The following ITGB5 variants were observed in gnomAD, a reference collection of about 807,000 sequenced individuals.
ITGB5 encodes the protein integrin subunit beta 5, also known as integrin beta-5.
Under a neutral mutation model 84.8 loss-of-function variants are expected in ITGB5, and 38 were observed. The observed-to-expected ratio is 0.45, with a 90% CI of 0.35 to 0.59. ITGB5 has a LOEUF of 0.59. Among genes scored for constraint, ITGB5 ranks in the 20% least tolerant of loss-of-function variants. The probability of loss-of-function intolerance (pLI) is 0.01; values close to 1 mark genes in which losing one functional copy is unlikely to be tolerated. For synonymous variants in ITGB5, 393 were observed against 414.4 expected, an observed-to-expected ratio of 0.95 and a Z score of 0.63; for missense variants, 905 against 1,034.5, an observed-to-expected ratio of 0.87 and a Z score of 1.72.
chr3:124,782,310 T>C (rs2064016998), intron 10 of ITGB5, among the ~76,000 whole-genome samples: 1 of 152,190 alleles, frequency 6.6e-6, no homozygotes, highest in Non-Finnish European at 1.5e-5. Flanking sequence ...CCATATCTGT[T>C]TGACCAGAAG....
intron 9 of ITGB5, among the ~76,000 whole-genome samples, chr3:124,802,970 G>A (rs921210172): frequency 6.6e-6 from 1 of 152,156 alleles, no homozygotes; most frequent in East Asian, 1.9e-4. Flanking sequence ...AGTTGCCTAG[G>A]ACCCCTGCTG....
At chr3:124,843,401 G>T (rs2065036147) in intron 4 of ITGB5, among the ~76,000 whole-genome samples, 1 of 152,178 alleles carries the variant, frequency 6.6e-6, no homozygotes, top group Non-Finnish European at 1.5e-5. Context: ...AGGGAGAAAA[G>T]AAACTGAATA....
intron 2 of ITGB5, among the ~76,000 whole-genome samples, chr3:124,870,878 GGT>G (rs1933989114): frequency 6.6e-6 from 1 of 152,108 alleles, no homozygotes; most frequent in African/African-American, 2.4e-5. Flanking sequence ...GAGTAGATGA[GGT>G]TAAACTGATT....
chr3:124,883,379 T>G (rs1213381087), intron 1 of ITGB5, among the ~76,000 whole-genome samples: 1 of 152,218 alleles, frequency 6.6e-6, no homozygotes, highest in Non-Finnish European at 1.5e-5. Flanking sequence ...TGCCCTCTTC[T>G]GCCTCAATCC....
At chr3:124,784,014 T>C (rs2064043841) in intron 10 of ITGB5, among the ~76,000 whole-genome samples, 1 of 152,184 alleles carries the variant, frequency 6.6e-6, no homozygotes. Flanking sequence ...CTGGACTACA[T>C]GGGGCATTCT....
chr3:124,769,151 T>C (rs747460552), intron 11 of ITGB5, 38 bp from the exon 12 acceptor site: 3 of 1,545,990 alleles, frequency 1.9e-6, no homozygotes, highest in Non-Finnish European at 2.7e-6. Flanking sequence ...TGTCAGATAA[T>C]GTAGAACAGT....
intron 14 of ITGB5, 49 bp downstream of exon 14, chr3:124,764,332 AACTCAACCAC>A: frequency 6.5e-7 from 1 of 1,549,786 alleles, no homozygotes; most frequent in South Asian, 1.2e-5. Context: ...CATACCGCTG[AACTCAACCAC>A]GCCTCTGAGC....
chr3:124,782,710 T>C (rs1026578875), intron 10 of ITGB5, among the ~76,000 whole-genome samples: 2 of 152,030 alleles, frequency 1.3e-5, no homozygotes, highest in Non-Finnish European at 2.9e-5. Context: ...ATACAAAAAT[T>C]AGCTGGGTGT....
At chr3:124,877,143 T>A (rs1399864395) in intron 1 of ITGB5, among the ~76,000 whole-genome samples, 1 of 148,834 alleles carries the variant, frequency 6.7e-6, no homozygotes, top group Non-Finnish European at 1.5e-5. Context: ...GCTAATTTTT[T>A]TTTTTTTTTT....
At chr3:124,778,196 G>A (rs915290503) in intron 10 of ITGB5, among the ~76,000 whole-genome samples, 1 of 152,240 alleles carries the variant, frequency 6.6e-6, no homozygotes, top group Non-Finnish European at 1.5e-5. Context: ...TGAAATCCCT[G>A]TGCAAGCTGT....
At chr3:124,813,215 AG>A (rs1312098981) in intron 8 of ITGB5, among the ~76,000 whole-genome samples, 1 of 152,238 alleles carries the variant, frequency 6.6e-6, no homozygotes, top group African/African-American at 2.4e-5. Context: ...TGGCCAGGAC[AG>A]GAGCAAGTAA....
chr3:124,887,593 G>A (rs758107896), upstream of ITGB5: 1 of 333,872 alleles, frequency 3.0e-6, no homozygotes, highest in South Asian at 2.1e-5. Flanking sequence ...AGTCGCTTGC[G>A]ACTCACTTGG....
chr3:124,850,040 G>A (rs1038900477), intron 3 of ITGB5, among the ~76,000 whole-genome samples: 1 of 151,840 alleles, frequency 6.6e-6, no homozygotes, highest in Non-Finnish European at 1.5e-5. Flanking sequence ...CCTGCCCAGC[G>A]GGTCTACACC....
At chr3:124,834,912 T>C (rs2064911417) in intron 5 of ITGB5, among the ~76,000 whole-genome samples, 2 of 152,070 alleles carry the variant, frequency 1.3e-5, no homozygotes, top group Non-Finnish European at 2.9e-5. Context: ...CCTGTCTCCT[T>C]TCATCTTTGC....
chr3:124,811,513 A>G (rs1390205463), intron 8 of ITGB5, among the ~76,000 whole-genome samples: 1 of 152,194 alleles, frequency 6.6e-6, no homozygotes, highest in Non-Finnish European at 1.5e-5. Context: ...GTCGTTCACA[A>G]ATAAAACTTT....
chr3:124,764,482 AG>A lies in ITGB5; in HGVS notation c.2212del (p.Leu738SerfsTer94). 2 of 1,614,094 alleles carry A rather than the reference AG, an allele frequency of 1.2e-6. No individual in the cohort carries two copies. Among genetic ancestry groups the A allele is most frequent in the Non-Finnish European group, 1.7e-6 (2 of 1,180,018 alleles). Reference sequence around the variant, plus strand: ...GACAAGCAGCTTCCAGATAGCCAGGAGTGCAAGCCCAACAAGGAGGATGCTA... The same window carrying A: ...GACAAGCAGCTTCCAGATAGCCAGGATGCAAGCCCAACAAGGAGGATGCTA... The part of the protein sequence containing the change: ...VGSILLVGLA[L>X]LAIWKLLVTI... On this transcript the variant is annotated frameshift_variant, in exon 14 of 15. Coordinates refer to ENST00000296181, the MANE Select transcript of ITGB5 (RefSeq NM_002213.5). LOFTEE classifies it high-confidence loss of function.
intron 1 of ITGB5, among the ~76,000 whole-genome samples, chr3:124,900,562 C>T (rs1935195222): frequency 6.6e-6 from 1 of 152,164 alleles, no homozygotes; most frequent in African/African-American, 2.4e-5. Flanking sequence ...AGGCTTCTGT[C>T]TTTGAATAAA....
chr3:124,796,847 G>C (rs765479567), intron 9 of ITGB5, 30 bp from the exon 10 acceptor site: 4 of 1,560,550 alleles, frequency 2.6e-6, no homozygotes, highest in Non-Finnish European at 3.5e-6. Context: ...GGGATATCAT[G>C]GCTGCGGCAA....
chr3:124,897,530 A>G (rs1472485141), intron 1 of ITGB5, among the ~76,000 whole-genome samples: 7 of 152,192 alleles, frequency 4.6e-5, no homozygotes, highest in African/African-American at 1.4e-4. Flanking sequence ...CACTGAAAAA[A>G]GTGTCTGTTG....
Sources: gnomAD v4.1 joint callset for allele counts (sites outside exome capture counted in the v4.1 genomes callset) on GRCh38, gnomAD v4.1.1 for gene constraint, MANE v1.5 for transcripts, NCBI Gene and HGNC (gene_info 2026-07-23, HGNC 2026-07-21) for gene names.